Variants in DRC1 observed in about 807,000 individuals in gnomAD.
DRC1 encodes dynein regulatory complex protein 1.
In DRC1, 74 loss-of-function variants were observed where a neutral mutation model predicts 98.7. The ratio of observed to expected loss-of-function variants is 0.75; its 90% CI spans 0.62 to 0.91. DRC1 has a LOEUF of 0.91. Among genes scored for constraint, DRC1 ranks in the 40% least tolerant of loss-of-function variants. DRC1 has a pLI of 0.00. For missense variants in DRC1, 875 were observed against 886.0 expected, an observed-to-expected ratio of 0.99 and a Z score of 0.16; for synonymous variants, 336 against 334.1, an observed-to-expected ratio of 1.01 and a Z score of -0.06.
intron 7 of DRC1, among the ~76,000 whole-genome samples, chr2:26,435,545 G>C (rs536555870): frequency 9.2e-5 from 14 of 152,216 alleles, no homozygotes; most frequent in African/African-American, 3.4e-4. Flanking sequence ...TACTCGATAG[G>C]TAGTTTTTTG....
rs745308459 is a variant in DRC1, at chr2:26,453,557, G to A, written c.1919+8G>A. ...GGGTCTGAAGAAGCCTAGGTGGGCT[G>A]CGGGGCTGGAAGGCTTGCCTGAGAC... On this transcript the variant is annotated splice_region_variant and intron_variant, in intron 14 of 16. Transcript: ENST00000288710. 3 of 1,611,792 alleles carry A rather than the reference G, an allele frequency of 1.9e-6. No individual in the cohort carries two copies. In the East Asian group the frequency reaches 6.7e-5, roughly 36 times the overall value.
rs563005143 is a variant in DRC1 at position 26,448,556 on chromosome 2, T to C, written c.1397-135T>C. On this transcript the variant is annotated intron_variant, in intron 10 of 16. Transcript: ENST00000288710. ...TAGGCTTTTTTCATCATAAAGAGAC[T>C]GAGAGAATGCCTCACAGAGGCTTTT... 36 of 900,740 alleles carry C rather than the reference T, an allele frequency of 4.0e-5. No individual in the cohort carries two copies. In the South Asian group the frequency reaches 5.0e-4, roughly 13 times the overall value. 55.8% of individuals were successfully genotyped at this position (900,740 alleles called of 1,614,324 possible).
intron 7 of DRC1, among the ~76,000 whole-genome samples, chr2:26,436,102 G>T (rs1341563955): frequency 6.6e-6 from 1 of 150,910 alleles, no homozygotes; most frequent in Non-Finnish European, 1.5e-5. Context: ...CTTTTTCTCT[G>T]CAACCTCACC....
chr2:26,454,573 C>G lies in DRC1; in HGVS notation c.1920-74C>G. The G allele has an allele frequency of 6.3e-7, 1 of 1,579,748 alleles. No homozygotes were observed. The highest frequency in any genetic ancestry group is 8.6e-7 in the Non-Finnish European group (1 of 1,159,986). On this transcript the variant is annotated intron_variant, in intron 14 of 16. Coordinates refer to ENST00000288710, the MANE Select transcript of DRC1 (RefSeq NM_145038.5). The surrounding 1 kb of genome is among the most constrained non-coding windows in gnomAD (Gnocchi z 5.2). ...AGGTGACAGGTGGGAAAGCAGTAGG[C>G]CTGTGACTGGCACTGCCTGGGGGCC...
At chr2:26,409,447 T>C (rs1452406868) in intron 1 of DRC1, among the ~76,000 whole-genome samples, 2 of 152,040 alleles carry the variant, frequency 1.3e-5, no homozygotes, top group Admixed American at 6.6e-5. Flanking sequence ...TTTATGTAGT[T>C]TTTTTTTAAA....
At chr2:26,456,328 G>T in intron 16 of DRC1, 133 bp from the exon 17 acceptor site, 1 of 1,090,812 alleles carries the variant, frequency 9.2e-7, no homozygotes, top group Non-Finnish European at 1.4e-6. Context: ...TGGGTGTTCA[G>T]CATCTCTCAG....
At chr2:26,427,142 A>T (rs549097267) in intron 4 of DRC1, among the ~76,000 whole-genome samples, 1 of 152,234 alleles carries the variant, frequency 6.6e-6, no homozygotes, top group East Asian at 1.9e-4. Flanking sequence ...TTTGAGACAG[A>T]GTCTCGCTCT....
At chr2:26,426,672 T>C (rs1368184915) in intron 4 of DRC1, among the ~76,000 whole-genome samples, 7 of 152,132 alleles carry the variant, frequency 4.6e-5, no homozygotes, top group Non-Finnish European at 8.8e-5. Flanking sequence ...CAGCCTGTAG[T>C]ATGTTTTGAA....
intron 16 of DRC1, 73 bp from the exon 17 acceptor site, chr2:26,456,388 G>C (rs889503680): frequency 6.3e-7 from 1 of 1,589,942 alleles, no homozygotes. Context: ...GGGAGAGCCA[G>C]CGTGGCTCGC....
At chr2:26,453,662 G>A (rs1664069077) in intron 14 of DRC1, 113 bp downstream of exon 14, 1 of 1,103,260 alleles carries the variant, frequency 9.1e-7, no homozygotes, top group African/African-American at 1.6e-5. Context: ...AAGATGCGGG[G>A]ACTAAGGACA....
In DRC1 at chr2:26,454,729, G is replaced by A; in HGVS notation, c.2002G>A (p.Val668Met). 1 of 1,614,162 alleles carries A rather than the reference G, an allele frequency of 6.2e-7. No homozygotes were observed. The highest frequency in any genetic ancestry group is 8.5e-7 in the Non-Finnish European group (1 of 1,180,028). Residue 668 changes from valine to methionine, a missense_variant, in exon 15 of 17, where the codon GTG becomes ATG. Transcript: ENST00000288710. This position sits in a 1 kb window ranked among gnomAD's most constrained non-coding sequence, Gnocchi z 5.2. ...DSEYWQALTT[V>M]IPSSKQNLWD... is the part of the protein sequence containing the mutation. Reference sequence around the variant, plus strand: ...GGAGTACTGGCAGGCCCTGACCACAGTGATCCCTTCCTCCAAGCAGAACCT... The same window carrying A: ...GGAGTACTGGCAGGCCCTGACCACAATGATCCCTTCCTCCAAGCAGAACCT...
chr2:26,414,110 G>A lies in DRC1; in HGVS notation c.156-234G>A, dbSNP rs10194156. Among the ~76,000 whole-genome samples, 5 of 83,902 alleles carry A rather than the reference G, an allele frequency of 6.0e-5. No homozygotes were observed. The Admixed American group carries it at 8.2e-4, about 14-fold the overall frequency. The allele number at this position is 83,902 out of a possible 152,430, so 55.0% of individuals were successfully genotyped here. On this transcript the variant is annotated intron_variant, in intron 1 of 16. Coordinates refer to ENST00000288710, the MANE Select transcript of DRC1 (RefSeq NM_145038.5). ...TATATATTTATATATGAAGTACAAT[G>A]GAACCATTATTATTATTATTATTAT...
intron 1 of DRC1, among the ~76,000 whole-genome samples, chr2:26,403,017 G>T (rs748761240): frequency 6.6e-6 from 1 of 152,186 alleles, no homozygotes; most frequent in Non-Finnish European, 1.5e-5. Flanking sequence ...AAACAAATGG[G>T]CATGACTGTG....
chr2:26,406,150 A>T (rs1267612028), intron 1 of DRC1, among the ~76,000 whole-genome samples: 1 of 152,364 alleles, frequency 6.6e-6, no homozygotes, highest in Non-Finnish European at 1.5e-5. Context: ...GCTTACATAT[A>T]TATTATTAAT....
Position 26,424,316 on chromosome 2 carries a change from C to T in DRC1, c.402C>T (p.Phe134=), listed in dbSNP as rs200560247. 127 of 1,613,842 alleles carry T rather than the reference C, an allele frequency of 7.9e-5. 1 individual carries two copies. The African/African-American group carries it at 9.1e-4, about 12-fold the overall frequency. The change falls in exon 4 of 17, where the codon TTC becomes TTT. Residue 134 remains phenylalanine (F), a synonymous_variant. Coordinates refer to ENST00000288710, the MANE Select transcript of DRC1 (RefSeq NM_145038.5). ...AAGTTAAGACCAGCCAGGACAAATTCGATGAAATCACCTCAAAGTGGGAAG... is the reference window on the plus strand; with the variant it reads ...AAGTTAAGACCAGCCAGGACAAATTTGATGAAATCACCTCAAAGTGGGAAG... ...ENEVKTSQDK[F]DEITSKWEEG...
At chr2:26,419,917 A>C (rs914527091) in intron 2 of DRC1, among the ~76,000 whole-genome samples, 1 of 152,242 alleles carries the variant, frequency 6.6e-6, no homozygotes, top group African/African-American at 2.4e-5. Flanking sequence ...CAGTGCAGCC[A>C]GCTACAATCT....
In DRC1 at chr2:26,449,997, G is replaced by T; in HGVS notation, c.1511G>T (p.Gly504Val). ...AGATGCCTTCTTCCTTCTCCCCAGG[G>T]GTTCCTCATAGAGAGCAAGCTGCTG... ...RILMLLCDESGFLIESKLLSL... is the reference protein window; with the variant it reads ...RILMLLCDESVFLIESKLLSL... Residue 504 changes from glycine to valine, a missense_variant and splice_region_variant, in exon 12 of 17, where the codon GGG becomes GTG. Transcript: ENST00000288710. 6.2e-7 allele frequency: 1 copy of T among 1,613,682 alleles called. No homozygotes were observed.
rs369587363 is a variant in DRC1, at chr2:26,421,317, C to T, written c.273C>T (p.Thr91=). 16 of 1,613,290 alleles carry T rather than the reference C, an allele frequency of 9.9e-6. No individual in the cohort carries two copies. Among genetic ancestry groups the T allele is most frequent in the African/African-American group, 2.7e-5 (2 of 74,818 alleles). The change falls in exon 3 of 17, where the codon ACC becomes ACT. Residue 91 remains threonine (T), a synonymous_variant. Coordinates refer to ENST00000288710, the MANE Select transcript of DRC1 (RefSeq NM_145038.5). ...TGGCTAAACTTCTGCTCTGTGGCAC[C>T]GAGTTGGTGACAAATATCCAGGTGG... The part of the protein sequence containing the change: ...LKLAKLLLCG[T]ELVTNIQVAI...
chr2:26,408,918 T>A (rs1040206185), intron 1 of DRC1, among the ~76,000 whole-genome samples: 2 of 151,940 alleles, frequency 1.3e-5, no homozygotes, highest in Non-Finnish European at 2.9e-5. Flanking sequence ...TTAAAAAAAA[T>A]TTATTTTTAT....
Sources: gnomAD v4.1 joint callset for allele counts (sites outside exome capture counted in the v4.1 genomes callset) on GRCh38, gnomAD v4.1.1 for gene constraint, Gnocchi (gnomAD v3.1) non-coding constraint, MANE v1.5 for transcripts, NCBI Gene and HGNC (gene_info 2026-07-23, HGNC 2026-07-21) for gene names.